TCF4: variants seen among roughly 807,000 people sequenced by gnomAD.
TCF4 encodes transcription factor 4.
TCF4 carries 3 observed loss-of-function variants against 82.1 expected under a neutral mutation model. That is an observed-to-expected ratio of 0.04 (90% CI 0.02 to 0.09). The LOEUF (loss-of-function observed/expected upper bound fraction) is 0.09, where lower values mean the gene tolerates loss of function less well. Among genes scored for constraint, TCF4 ranks in the 10% least tolerant of loss-of-function variants. The probability of loss-of-function intolerance (pLI) is 1.00; values close to 1 mark genes in which losing one functional copy is unlikely to be tolerated. For synonymous variants in TCF4, 276 were observed against 309.6 expected (o/e 0.89, Z 1.14); for missense variants, 518 against 852.7 (o/e 0.61, Z 4.89).
Position 55,286,399 on chromosome 18 carries a change from G to C in TCF4, c.550-6743C>G, listed in dbSNP as rs144667792. Among the ~76,000 whole-genome samples the C allele has an allele frequency of 9.3e-3, 1,398 of 150,182 alleles. 9 individuals carry two copies. The highest frequency in any genetic ancestry group is 0.014 in the Non-Finnish European group (980 of 67,780). Reference sequence around the variant, plus strand: ...TCTTGGCGTCATCTTTTTAAAGCTCGAATGAGTTCAACTTCATTTTGTAAA... The same window carrying C: ...TCTTGGCGTCATCTTTTTAAAGCTCCAATGAGTTCAACTTCATTTTGTAAA... On this transcript the variant is annotated intron_variant, in intron 8 of 19. Coordinates refer to ENST00000354452, the MANE Select transcript of TCF4 (RefSeq NM_001083962.2).
At chr18:55,398,514 T>C (rs1227317994) in intron 6 of TCF4, among the ~76,000 whole-genome samples, 2 of 152,118 alleles carry the variant, frequency 1.3e-5, no homozygotes, top group Non-Finnish European at 2.9e-5. Context: ...ATGAGACGAT[T>C]CAACCCCCCA....
intron 2 of TCF4, among the ~76,000 whole-genome samples, chr18:55,603,657 CCATTT>C (rs1186957783): frequency 6.6e-6 from 1 of 152,150 alleles, no homozygotes; most frequent in Non-Finnish European, 1.5e-5. Context: ...AAAAATGACT[CCATTT>C]CATAACCACA....
At chr18:55,594,583 T>G (rs1468878603) in intron 2 of TCF4, among the ~76,000 whole-genome samples, 1 of 152,214 alleles carries the variant, frequency 6.6e-6, no homozygotes, top group Admixed American at 6.5e-5. Context: ...TCATTTTAGC[T>G]TGATTTCATT....
intron 3 of TCF4, among the ~76,000 whole-genome samples, chr18:55,488,161 GTCATGAAAATCCTTACTCCCTGGGTTT>G (rs1354768667): frequency 2.0e-5 from 3 of 152,138 alleles, no homozygotes. Context: ...TTCAGTTGTG[GTCATGAAAATCCTTACTCCCTGGGTTT>G]TCATTGGCTA....
At chr18:55,588,651 G>A (rs1250239530), upstream of TCF4, 7 of 1,361,974 alleles carry the variant, frequency 5.1e-6, no homozygotes, top group Admixed American at 6.3e-5. Context: ...TTTATACTAG[G>A]CTGCAAATAC....
chr18:55,453,969 C>T (rs115749269), intron 5 of TCF4, among the ~76,000 whole-genome samples: 2,326 of 152,068 alleles, frequency 0.015, 60 homozygotes, highest in African/African-American at 0.052. Context: ...CTCCAGTAGT[C>T]CTTCCACCTC....
At chr18:55,400,950 T>A in intron 6 of TCF4, 3 of 1,288,182 alleles carry the variant, frequency 2.3e-6, no homozygotes, top group Non-Finnish European at 3.0e-6. Context: ...CGTATCTCAA[T>A]CATGTAGTAA....
intron 5 of TCF4, among the ~76,000 whole-genome samples, chr18:55,459,676 A>G (rs2095837306): frequency 6.6e-6 from 1 of 152,230 alleles, no homozygotes. Flanking sequence ...GTTGATAAAT[A>G]TATCTGGTCA....
chr18:55,541,483 G>A (rs927587787), intron 3 of TCF4, among the ~76,000 whole-genome samples: 1 of 151,940 alleles, frequency 6.6e-6, no homozygotes, highest in African/African-American at 2.4e-5. Context: ...TAAAAATCAT[G>A]TTGATGCTAC....
At chr18:55,281,613 T>A (rs1328860016) in intron 8 of TCF4, among the ~76,000 whole-genome samples, 1 of 152,066 alleles carries the variant, frequency 6.6e-6, no homozygotes, top group African/African-American at 2.4e-5. Flanking sequence ...TTTTCATATA[T>A]ACTTTAATTT....
intron 3 of TCF4, among the ~76,000 whole-genome samples, chr18:55,534,958 C>A (rs994919430): frequency 6.6e-6 from 1 of 152,184 alleles, no homozygotes; most frequent in Non-Finnish European, 1.5e-5. Context: ...TTCTATCTCA[C>A]CCTTTCTCAC....
chr18:55,480,749 T>C (rs1215942885), intron 3 of TCF4, among the ~76,000 whole-genome samples: 1 of 152,214 alleles, frequency 6.6e-6, no homozygotes, highest in East Asian at 1.9e-4. Context: ...AACCCTAGTA[T>C]CACAGTGGTG....
intron 6 of TCF4, among the ~76,000 whole-genome samples, chr18:55,360,947 AATCTCTTG>A (rs2084993915): frequency 6.6e-6 from 1 of 151,844 alleles, no homozygotes; most frequent in South Asian, 2.1e-4. Flanking sequence ...TGATGATTTC[AATCTCTTG>A]ACCTCGTGAT....
At chr18:55,419,797 A>G (rs1311696018) in intron 5 of TCF4, among the ~76,000 whole-genome samples, 3 of 152,212 alleles carry the variant, frequency 2.0e-5, no homozygotes, top group Non-Finnish European at 4.4e-5. Context: ...AACCAATGGG[A>G]AAGTTTGCAA....
At chr18:55,364,745 C>A (rs901102278) in intron 6 of TCF4, among the ~76,000 whole-genome samples, 1 of 152,172 alleles carries the variant, frequency 6.6e-6, no homozygotes, top group Admixed American at 6.5e-5. Flanking sequence ...GAAAACAAAT[C>A]TTTCAAGGTC....
chr18:55,621,690 TTATATAA>T (rs2097720123), intron 2 of TCF4, among the ~76,000 whole-genome samples: 1 of 84,742 alleles, frequency 1.2e-5, no homozygotes, highest in African/African-American at 4.8e-5. Context: ...ATATATTATA[TTATATAA>T]TATATATTAT....
intron 15 of TCF4, among the ~76,000 whole-genome samples, chr18:55,246,232 C>CGTGTGTGTGTGT (rs34773632): frequency 0.018 from 2,594 of 147,730 alleles, 30 homozygotes; most frequent in Non-Finnish European, 0.025. Context: ...TTTAAATACA[C>CGTGTGTGTGTGT]GTGTGTGTGT....
intron 3 of TCF4, among the ~76,000 whole-genome samples, chr18:55,499,139 C>T (rs2096669550): frequency 6.6e-6 from 1 of 152,318 alleles, no homozygotes; most frequent in South Asian, 2.1e-4. Flanking sequence ...AAAGAAGAAA[C>T]TTGTTTACTC....
At chr18:55,511,079 TC>T (rs2096823186) in intron 3 of TCF4, among the ~76,000 whole-genome samples, 1 of 152,122 alleles carries the variant, frequency 6.6e-6, no homozygotes, top group African/African-American at 2.4e-5. Context: ...TGGCAAACTG[TC>T]GTCATTTCTT....
Sources: allele counts gnomAD v4.1 joint callset (sites outside exome capture counted in the v4.1 genomes callset), GRCh38; gene constraint gnomAD v4.1.1; transcripts MANE v1.5; gene names NCBI Gene and HGNC (gene_info 2026-07-23, HGNC 2026-07-21).